PCNX1: variants seen among roughly 807,000 people sequenced by gnomAD.
PCNX1 encodes the protein pecanex 1, also known as pecanex-like protein 1.
In PCNX1, 78 loss-of-function variants were observed where a neutral mutation model predicts 242.2. The observed-to-expected ratio is 0.32, with a 90% confidence interval of 0.27 to 0.39. The LOEUF is 0.39. Ranked by LOEUF, PCNX1 falls within the 10% of genes least tolerant of loss-of-function variation. The pLI, the probability that PCNX1 is intolerant of heterozygous loss-of-function variation, is 1.00. For missense variants in PCNX1, 2,581 were observed against 2,856.5 expected, an observed-to-expected ratio of 0.90 and a Z score of 2.20; for synonymous variants, 1,024 against 1,032.9, an observed-to-expected ratio of 0.99 and a Z score of 0.17.
intron 8 of PCNX1, among the ~76,000 whole-genome samples, chr14:71,008,970 A>C (rs2059746922): frequency 6.6e-6 from 1 of 152,168 alleles, no homozygotes; most frequent in Admixed American, 6.5e-5. Flanking sequence ...AAAAATCTGT[A>C]TTCATTTGCA....
intron 25 of PCNX1, among the ~76,000 whole-genome samples, chr14:71,056,426 G>A (rs1015820716): frequency 2.6e-5 from 4 of 152,158 alleles, no homozygotes; most frequent in Non-Finnish European, 5.9e-5. Context: ...CCCTGAATCA[G>A]TATATACATT....
At chr14:71,043,815 A>G (rs1282508585) in intron 19 of PCNX1, among the ~76,000 whole-genome samples, 1 of 152,058 alleles carries the variant, frequency 6.6e-6, no homozygotes, top group East Asian at 1.9e-4. Context: ...TCTTTTTCAG[A>G]CAATTCATAG....
intron 27 of PCNX1, among the ~76,000 whole-genome samples, chr14:71,074,975 TTTTTC>T (rs1230175486): frequency 6.6e-6 from 1 of 151,188 alleles, no homozygotes; most frequent in Non-Finnish European, 1.5e-5. Flanking sequence ...TTCACATCGT[TTTTTC>T]TTTTCTTCTC....
At chr14:70,910,207 G>GTCCTCCTCCTCCTCCTCCTCGTCC (rs1566809001) in intron 1 of PCNX1, among the ~76,000 whole-genome samples, 1 of 13,172 alleles carries the variant, frequency 7.6e-5, no homozygotes, top group Non-Finnish European at 1.4e-4. Context: ...CCTCCTCCTC[G>GTCCTCCTCCTCCTCCTCCTCGTCC]TCCTCCTCCT....
chr14:71,004,008 G>T (rs1595204018), intron 8 of PCNX1, among the ~76,000 whole-genome samples: 1 of 152,186 alleles, frequency 6.6e-6, no homozygotes, highest in African/African-American at 2.4e-5. Flanking sequence ...AGAAGTTTTT[G>T]GAGCCTAAGA....
chr14:71,032,833 C>T (rs879568025), intron 16 of PCNX1, among the ~76,000 whole-genome samples: 9 of 152,206 alleles, frequency 5.9e-5, no homozygotes, highest in African/African-American at 9.6e-5. Flanking sequence ...GGAGTGACCA[C>T]GTGTGGTTGG....
chr14:71,013,036 T>G lies in PCNX1; in HGVS notation c.2830T>G (p.Leu944Val), dbSNP rs758934821. ...LNRLLTIDTD[L>V]LEQQDIDLSP... ...TAGACTATTGACCATTGATACAGAT[T>G]TGTTGGAGCAACAGGACATTGATCT... Residue 944 changes from leucine (L) to valine (V), a missense_variant, in exon 11 of 36, where the codon TTG becomes GTG. Leu to Val is a conservative substitution (Grantham distance 32). Coordinates refer to ENST00000304743, the MANE Select transcript of PCNX1 (RefSeq NM_014982.3). 6.2e-7 allele frequency: 1 copy of G among 1,614,144 alleles called. No homozygotes were observed. The highest frequency in any genetic ancestry group is 1.7e-5 in the Admixed American group (1 of 60,012).
At chr14:71,017,713 G>T (rs1409638364) in intron 11 of PCNX1, among the ~76,000 whole-genome samples, 1 of 152,160 alleles carries the variant, frequency 6.6e-6, no homozygotes, top group African/African-American at 2.4e-5. Flanking sequence ...GACAAGGGAG[G>T]CACTATTCAG....
At chr14:71,053,756 A>G (rs1255090730) in intron 24 of PCNX1, among the ~76,000 whole-genome samples, 1 of 152,260 alleles carries the variant, frequency 6.6e-6, no homozygotes, top group Non-Finnish European at 1.5e-5. Context: ...ACAATGTCGT[A>G]TCTATTGTAT....
At chr14:71,060,152 T>G (rs1010975837) in intron 26 of PCNX1, among the ~76,000 whole-genome samples, 5 of 152,244 alleles carry the variant, frequency 3.3e-5, no homozygotes, top group Non-Finnish European at 7.3e-5. Context: ...AAGATTATAA[T>G]GGAACTGAAA....
chr14:70,943,176 G>A (rs2057324761), intron 1 of PCNX1, among the ~76,000 whole-genome samples: 1 of 152,214 alleles, frequency 6.6e-6, no homozygotes, highest in Admixed American at 6.5e-5. Flanking sequence ...AGGTAGTGGG[G>A]CACTGCTGAA....
intron 28 of PCNX1, among the ~76,000 whole-genome samples, chr14:71,079,404 C>T (rs534758004): frequency 5.8e-4 from 88 of 152,244 alleles, no homozygotes; most frequent in African/African-American, 2.0e-3. Context: ...GTTCTAGATC[C>T]TTGGGGAATC....
At chr14:70,993,350 G>A (rs1042915372) in intron 7 of PCNX1, among the ~76,000 whole-genome samples, 5 of 151,500 alleles carry the variant, frequency 3.3e-5, no homozygotes, top group Non-Finnish European at 7.4e-5. Flanking sequence ...GGATGGTCTC[G>A]ATCTCCTGAC....
At chr14:71,058,055 G>A (rs1595394941) in intron 26 of PCNX1, among the ~76,000 whole-genome samples, 1 of 152,188 alleles carries the variant, frequency 6.6e-6, no homozygotes, top group East Asian at 1.9e-4. Flanking sequence ...TAGGTGGCTA[G>A]CAGCATGGAA....
intron 9 of PCNX1, 48 bp downstream of exon 9, chr14:71,009,772 C>A: frequency 3.5e-6 from 4 of 1,135,166 alleles, no homozygotes; most frequent in East Asian, 2.4e-5. Context: ...ATATGTTTGC[C>A]ATATTTAATG....
At chr14:71,028,641 TTTAA>T (rs2060300111) in intron 15 of PCNX1, 55 bp from the exon 16 acceptor site, 9 of 987,554 alleles carry the variant, frequency 9.1e-6, no homozygotes, top group African/African-American at 5.0e-5. Flanking sequence ...TCAGTGACCT[TTTAA>T]TTATTTTCAT....
chr14:70,955,496 T>C (rs2057957945), intron 2 of PCNX1, among the ~76,000 whole-genome samples: 1 of 152,242 alleles, frequency 6.6e-6, no homozygotes, highest in South Asian at 2.1e-4. Flanking sequence ...ATCAACAAAT[T>C]AGTTTGTGAA....
At chr14:70,957,642 G>A (rs1206310284) in intron 2 of PCNX1, among the ~76,000 whole-genome samples, 1 of 152,130 alleles carries the variant, frequency 6.6e-6, no homozygotes, top group East Asian at 1.9e-4. Flanking sequence ...GGGTAGTAAT[G>A]GTTAAAGGGG....
rs754635207 is a variant in PCNX1 at position 70,947,115 on chromosome 14, T to C, written c.354T>C (p.Asn118=). 4 of 1,607,516 alleles carry C rather than the reference T, an allele frequency of 2.5e-6. No homozygotes were observed. The highest frequency in any genetic ancestry group is 3.4e-6 in the Non-Finnish European group (4 of 1,175,898). Residue 118 remains asparagine, a synonymous_variant, in exon 2 of 36, where the codon AAT becomes AAC. Transcript: ENST00000304743. ...GTTCAACCAGGAGAAAAGACAGCAA[T>C]GGACCGAGGTAAGGAAACCTATGTC... is the stretch of plus-strand genomic sequence containing the variant. ...GNCSTRRKDS[N]GPSDPGGGIE...
Sources: allele counts gnomAD v4.1 joint callset (sites outside exome capture counted in the v4.1 genomes callset), GRCh38; gene constraint gnomAD v4.1.1; transcripts MANE v1.5; gene names NCBI Gene and HGNC (gene_info 2026-07-23, HGNC 2026-07-21).